GALNT13: variants seen among roughly 807,000 people sequenced by gnomAD.
GALNT13 encodes the protein UDP-GalNAc:polypeptide N-acetylgalactosaminyltransferase 13.
GALNT13 carries 28 observed loss-of-function variants against 64.2 expected under a neutral mutation model. The ratio of observed to expected loss-of-function variants is 0.44; its 90% confidence interval spans 0.32 to 0.60. The LOEUF is 0.60. Among genes scored for constraint, GALNT13 ranks in the 20% least tolerant of loss-of-function variants. The pLI, the probability that GALNT13 is intolerant of heterozygous loss-of-function variation, is 0.05. For missense variants in GALNT13, 577 were observed against 669.8 expected (o/e 0.86, Z 1.53); for synonymous variants, 214 against 224.6 (o/e 0.95, Z 0.42).
At chr2:153,189,454 T>TA in the GALNT13 span, among the ~76,000 whole-genome samples, 1 of 152,164 alleles carries the variant, frequency 6.6e-6, no homozygotes, top group African/African-American at 2.4e-5. Flanking sequence ...GGTCAGGTAA[T>TA]ATTCTACTAT....
At chr2:154,052,471 C>G (rs1259684683) in intron 3 of GALNT13, among the ~76,000 whole-genome samples, 2 of 152,088 alleles carry the variant, frequency 1.3e-5, no homozygotes. Flanking sequence ...TCTTCTCAAA[C>G]TGTCTTAGAA....
At chr2:153,347,683 A>T in the GALNT13 span, among the ~76,000 whole-genome samples, 1 of 152,204 alleles carries the variant, frequency 6.6e-6, no homozygotes, top group Non-Finnish European at 1.5e-5. Flanking sequence ...TAGGAGTCAT[A>T]CATGTTCATT....
chr2:153,875,865 T>C (rs1292345170), intron 1 of GALNT13, among the ~76,000 whole-genome samples: 2 of 152,170 alleles, frequency 1.3e-5, no homozygotes, highest in Non-Finnish European at 2.9e-5. Flanking sequence ...TTTGCCTTAT[T>C]AGACATGATA....
intron 3 of GALNT13, among the ~76,000 whole-genome samples, chr2:153,988,137 A>G (rs1694927199): frequency 6.6e-6 from 1 of 151,790 alleles, no homozygotes; most frequent in South Asian, 2.1e-4. Flanking sequence ...GTTAATTAAC[A>G]TATTCATTGC....
chr2:154,186,471 G>T (rs1362991999), intron 4 of GALNT13, among the ~76,000 whole-genome samples: 1 of 152,064 alleles, frequency 6.6e-6, no homozygotes, highest in Non-Finnish European at 1.5e-5. Flanking sequence ...TTACTGGGAG[G>T]TGAAGAATTT....
chr2:153,314,408 T>C, the GALNT13 span, among the ~76,000 whole-genome samples: 1 of 152,106 alleles, frequency 6.6e-6, no homozygotes, highest in East Asian at 1.9e-4. Flanking sequence ...AGTAGGTGAT[T>C]TGAACAATGC....
intron 12 of GALNT13, chr2:154,445,973 T>A: frequency 4.4e-6 from 2 of 451,028 alleles, no homozygotes; most frequent in Non-Finnish European, 8.1e-6. Flanking sequence ...GAGTTAATCT[T>A]TTTCTTTTTC....
At chr2:154,443,930 A>G (rs1211097928) in intron 12 of GALNT13, among the ~76,000 whole-genome samples, 4 of 152,298 alleles carry the variant, frequency 2.6e-5, no homozygotes, top group Admixed American at 6.5e-5. Context: ...ACAAAACTCA[A>G]TACTATCTTA....
chr2:153,606,819 ATT>A, the GALNT13 span, among the ~76,000 whole-genome samples: 1 of 146,600 alleles, frequency 6.8e-6, no homozygotes, highest in Non-Finnish European at 1.5e-5. Context: ...CTTCTGACTT[ATT>A]GAGTTACTCT....
At chr2:153,807,102 C>A in the GALNT13 span, among the ~76,000 whole-genome samples, 1 of 151,846 alleles carries the variant, frequency 6.6e-6, no homozygotes, top group African/African-American at 2.4e-5. Context: ...ATGCCCAATC[C>A]GTGTAGTAAC....
chr2:153,348,891 G>A, the GALNT13 span, among the ~76,000 whole-genome samples: 1 of 152,156 alleles, frequency 6.6e-6, no homozygotes, highest in Non-Finnish European at 1.5e-5. Context: ...GGGGATTTGA[G>A]CTTGCCTCTG....
intron 4 of GALNT13, among the ~76,000 whole-genome samples, chr2:154,224,455 A>G (rs113021301): frequency 0.02 from 3,103 of 152,130 alleles, 91 homozygotes; most frequent in African/African-American, 0.063. Context: ...GGCTCACAAG[A>G]AAAAAACATG....
At chr2:154,292,706 A>G (rs1308951034) in intron 8 of GALNT13, among the ~76,000 whole-genome samples, 4 of 152,338 alleles carry the variant, frequency 2.6e-5, no homozygotes, top group African/African-American at 9.6e-5. Flanking sequence ...AGACTATATT[A>G]AAGGATGACT....
the GALNT13 span, among the ~76,000 whole-genome samples, chr2:153,222,516 T>C: frequency 1.3e-5 from 2 of 152,012 alleles, no homozygotes; most frequent in Non-Finnish European, 2.9e-5. Flanking sequence ...AGATGGGACT[T>C]CACTGAGGAC....
At chr2:153,730,540 C>T in the GALNT13 span, among the ~76,000 whole-genome samples, 15 of 151,688 alleles carry the variant, frequency 9.9e-5, no homozygotes, top group South Asian at 2.1e-4. Flanking sequence ...GCAAATGTAA[C>T]GAAATAGACA....
At chr2:154,191,868 T>G (rs532263022) in intron 4 of GALNT13, among the ~76,000 whole-genome samples, 1 of 152,224 alleles carries the variant, frequency 6.6e-6, no homozygotes, top group East Asian at 1.9e-4. Context: ...GTTGGCTGTG[T>G]TTATCAGCTC....
the GALNT13 span, among the ~76,000 whole-genome samples, chr2:153,642,553 TA>T: frequency 6.6e-6 from 1 of 152,006 alleles, no homozygotes; most frequent in Non-Finnish European, 1.5e-5. Flanking sequence ...GGTGTGTATC[TA>T]ATAACATATT....
the GALNT13 span, among the ~76,000 whole-genome samples, chr2:153,756,607 T>G: frequency 1.3e-5 from 2 of 152,140 alleles, no homozygotes; most frequent in African/African-American, 4.8e-5. Context: ...TTATTTCTAC[T>G]CATGTTGGAC....
At chr2:153,898,827 A>G (rs1180758999) in intron 1 of GALNT13, among the ~76,000 whole-genome samples, 3 of 150,786 alleles carry the variant, frequency 2.0e-5, no homozygotes, top group Non-Finnish European at 4.4e-5. Flanking sequence ...TGAGAATAAT[A>G]AAGGTAAATT....
Sources: gnomAD v4.1 joint callset for allele counts (sites outside exome capture counted in the v4.1 genomes callset) on GRCh38, gnomAD v4.1.1 for gene constraint, MANE v1.5 for transcripts, NCBI Gene and HGNC (gene_info 2026-07-23, HGNC 2026-07-21) for gene names.